The following DDX4 variants were observed in gnomAD, a reference collection of about 807,000 sequenced individuals.
DDX4 encodes the protein probable ATP-dependent RNA helicase DDX4.
Under a neutral mutation model 100.0 loss-of-function variants are expected in DDX4, and 25 were observed. The observed-to-expected ratio is 0.25, with a 90% CI of 0.18 to 0.35. The LOEUF is 0.35. Among genes scored for constraint, DDX4 ranks in the 10% least tolerant of loss-of-function variants. The pLI is 1.00. For synonymous variants in DDX4, 259 were observed against 275.7 expected, an observed-to-expected ratio of 0.94 and a Z score of 0.60; for missense variants, 635 against 882.4, an observed-to-expected ratio of 0.72 and a Z score of 3.55.
chr5:55,740,400 C>T (rs911195686), intron 2 of DDX4, among the ~76,000 whole-genome samples: 6 of 151,930 alleles, frequency 3.9e-5, no homozygotes, highest in African/African-American at 1.5e-4. Context: ...CTCCTGATCT[C>T]AGGTGATTCA....
intron 18 of DDX4, among the ~76,000 whole-genome samples, chr5:55,811,586 T>G (rs987967128): frequency 7.9e-5 from 12 of 152,216 alleles, no homozygotes; most frequent in African/African-American, 2.9e-4. Flanking sequence ...CTACTTTTTT[T>G]CCTTGAAGCA....
At chr5:55,802,544 C>G (rs2112126371) in intron 18 of DDX4, among the ~76,000 whole-genome samples, 1 of 152,294 alleles carries the variant, frequency 6.6e-6, no homozygotes, top group East Asian at 1.9e-4. Flanking sequence ...TCTAGAAGGA[C>G]TAGTCCTGGA....
In DDX4 at chr5:55,781,922, A is replaced by G; in HGVS notation, c.578-12A>G. 2 of 1,613,938 alleles carry G rather than the reference A, an allele frequency of 1.2e-6. No individual in the cohort carries two copies. The highest frequency in any genetic ancestry group is 2.2e-5 in the South Asian group (2 of 91,030). On this transcript the variant is annotated splice_polypyrimidine_tract_variant and intron_variant, in intron 9 of 21. Coordinates refer to ENST00000505374, the MANE Select transcript of DDX4 (RefSeq NM_024415.3). ...GTTTTATCTAAATATGTTGTGAAAC[A>G]ATGCCTTACAGGTAATGGTGATACT... is the stretch of plus-strand genomic sequence containing the variant.
At chr5:55,775,991 C>A (rs1272674661) in intron 7 of DDX4, among the ~76,000 whole-genome samples, 1 of 152,070 alleles carries the variant, frequency 6.6e-6, no homozygotes, top group Non-Finnish European at 1.5e-5. Flanking sequence ...CGTGGTGGTG[C>A]AGCCCTGTAG....
chr5:55,793,491 C>T (rs1742723459), intron 17 of DDX4, among the ~76,000 whole-genome samples: 1 of 152,122 alleles, frequency 6.6e-6, no homozygotes, highest in Non-Finnish European at 1.5e-5. Flanking sequence ...GGGATGTTAA[C>T]CCTGTTGTAA....
Position 55,748,618 on chromosome 5 carries a change from T to C in DDX4, c.127+2397T>C, listed in dbSNP as rs78406296. On this transcript the variant is annotated intron_variant, in intron 3 of 21. Coordinates refer to ENST00000505374, the MANE Select transcript of DDX4 (RefSeq NM_024415.3). The stretch of plus-strand genomic sequence containing the variant: ...TACCTTCTTCTAGATAACAAGTACT[T>C]TTTGTAGTTCTTCATAATTTTTTAT... Among the ~76,000 whole-genome samples, 527 of 152,244 alleles carry C rather than the reference T, an allele frequency of 3.5e-3. 7 individuals carry two copies. The highest frequency in any genetic ancestry group is 0.012 in the African/African-American group (511 of 41,570).
intron 14 of DDX4, 83 bp from the exon 15 acceptor site, chr5:55,787,763 G>C: frequency 3.4e-6 from 5 of 1,461,980 alleles, no homozygotes; most frequent in Non-Finnish European, 4.6e-6. Context: ...GAGTCTAAAG[G>C]CTATAAGGAC....
intron 17 of DDX4, among the ~76,000 whole-genome samples, chr5:55,794,204 GA>G (rs1448859251): frequency 7.6e-6 from 1 of 131,352 alleles, no homozygotes; most frequent in Non-Finnish European, 1.6e-5. Context: ...TTTTTGTGAT[GA>G]AGTCTTGCTC....
intron 6 of DDX4, 35 bp downstream of exon 6, chr5:55,764,099 G>A (rs1740738613): frequency 3.4e-6 from 5 of 1,456,968 alleles, no homozygotes; most frequent in East Asian, 2.3e-5. Context: ...AAAATTTAAT[G>A]TCAAGAGTAC....
At chr5:55,764,800 G>T (rs1010146605) in intron 6 of DDX4, among the ~76,000 whole-genome samples, 2 of 152,162 alleles carry the variant, frequency 1.3e-5, no homozygotes, top group Admixed American at 6.5e-5. Context: ...TAGAATGGAA[G>T]GTATTCATTT....
At chr5:55,798,641 A>G (rs1743113798) in intron 18 of DDX4, 70 bp downstream of exon 18, 4 of 1,414,520 alleles carry the variant, frequency 2.8e-6, no homozygotes, top group East Asian at 2.5e-5. Context: ...AAAAATCACT[A>G]AAGAATTGTT....
intron 18 of DDX4, among the ~76,000 whole-genome samples, chr5:55,811,494 A>G (rs1013707501): frequency 1.3e-5 from 2 of 152,184 alleles, no homozygotes; most frequent in African/African-American, 4.8e-5. Context: ...TAAATATCAA[A>G]ACACACAAGA....
chr5:55,790,765 A>C, intron 16 of DDX4, 60 bp downstream of exon 16: 1 of 1,489,656 alleles, frequency 6.7e-7, no homozygotes, highest in Middle Eastern at 1.7e-4. Flanking sequence ...GTATGGGAAA[A>C]GGAAAGAATG....
rs1486855816 is a variant in DDX4 at position 55,798,449 on chromosome 5, C to T, written c.1493C>T (p.Ser498Leu). The change falls in exon 18 of 22, where the codon TCA (serine) becomes TTA (leucine). Residue 498 changes from serine (S) to leucine (L), a missense_variant. Coordinates refer to ENST00000505374, the MANE Select transcript of DDX4 (RefSeq NM_024415.3). The part of the protein sequence containing the change: ...IQRLAAEFLK[S>L]NYLFVAVGQV... Reference sequence around the variant, plus strand: ...AGGTTGGCTGCAGAGTTTTTAAAGTCAAATTATCTGTTTGTTGCTGTTGGA... The same window carrying T: ...AGGTTGGCTGCAGAGTTTTTAAAGTTAAATTATCTGTTTGTTGCTGTTGGA... The T allele has an allele frequency of 6.2e-7, 1 of 1,611,574 alleles. No homozygotes were observed. Among genetic ancestry groups the T allele is most frequent in the South Asian group, 1.1e-5 (1 of 90,528 alleles).
chr5:55,772,235 A>G (rs1484692576), intron 7 of DDX4, among the ~76,000 whole-genome samples: 2 of 152,202 alleles, frequency 1.3e-5, no homozygotes, highest in Non-Finnish European at 2.9e-5. Context: ...AATTGTCATT[A>G]ATCTGGAGTT....
chr5:55,749,370 T>C (rs1759416090), intron 3 of DDX4, among the ~76,000 whole-genome samples: 1 of 152,184 alleles, frequency 6.6e-6, no homozygotes, highest in African/African-American at 2.4e-5. Flanking sequence ...ATTTTGAGGT[T>C]ACAGTGAGCA....
At chr5:55,747,104 T>A (rs1759284351) in intron 3 of DDX4, among the ~76,000 whole-genome samples, 1 of 151,836 alleles carries the variant, frequency 6.6e-6, no homozygotes, top group Non-Finnish European at 1.5e-5. Context: ...AAATTTAGGC[T>A]GGGTATGGTG....
intron 18 of DDX4, among the ~76,000 whole-genome samples, chr5:55,808,830 C>T (rs956405462): frequency 1.3e-5 from 2 of 152,198 alleles, no homozygotes; most frequent in Non-Finnish European, 2.9e-5. Flanking sequence ...AGAACCACTA[C>T]TCTCTTCAAG....
chr5:55,775,126 T>G (rs1158773043), intron 7 of DDX4, among the ~76,000 whole-genome samples: 4 of 152,252 alleles, frequency 2.6e-5, no homozygotes, highest in Non-Finnish European at 5.9e-5. Flanking sequence ...ATATTTGTCC[T>G]GTCGTATTTG....
Sources: gnomAD v4.1 joint callset for allele counts (sites outside exome capture counted in the v4.1 genomes callset) on GRCh38, gnomAD v4.1.1 for gene constraint, MANE v1.5 for transcripts, NCBI Gene and HGNC (gene_info 2026-07-23, HGNC 2026-07-21) for gene names.